SCAF8: variants seen among roughly 807,000 people sequenced by gnomAD.
SCAF8 encodes the protein SR-related and CTD-associated factor 8.
SCAF8 carries 23 observed loss-of-function variants against 140.5 expected under a neutral mutation model. The ratio of observed to expected loss-of-function variants is 0.16; its 90% CI spans 0.12 to 0.23. The LOEUF (loss-of-function observed/expected upper bound fraction) is 0.23, where lower values mean the gene tolerates loss of function less well. Among genes scored for constraint, SCAF8 ranks in the 10% least tolerant of loss-of-function variants. SCAF8 has a pLI of 1.00. For synonymous variants in SCAF8, 575 were observed against 528.9 expected, an observed-to-expected ratio of 1.09 and a Z score of -1.20; for missense variants, 1,397 against 1,555.7, an observed-to-expected ratio of 0.90 and a Z score of 1.72.
At chr6:154,749,746 T>C (rs1269910292) in intron 1 of SCAF8, among the ~76,000 whole-genome samples, 2 of 152,100 alleles carry the variant, frequency 1.3e-5, no homozygotes, top group East Asian at 3.9e-4. Flanking sequence ...ATAGCATGCA[T>C]AGGACCTCCT....
chr6:154,778,239 A>G (rs1030383119), intron 3 of SCAF8, among the ~76,000 whole-genome samples, 194 bp downstream of exon 3: 3 of 152,192 alleles, frequency 2.0e-5, no homozygotes, highest in Admixed American at 1.3e-4. Context: ...TATTCTGCCT[A>G]TGTTCATGTG....
At chr6:154,771,572 G>T (rs1776769601) in intron 1 of SCAF8, among the ~76,000 whole-genome samples, 1 of 152,304 alleles carries the variant, frequency 6.6e-6, no homozygotes, top group Non-Finnish European at 1.5e-5. Context: ...GTAGGAGTGG[G>T]TGAGTGTCAG....
chr6:154,750,840 A>AT lies in SCAF8; in HGVS notation c.30+16918dup, dbSNP rs935401109. Among the ~76,000 whole-genome samples the AT allele has an allele frequency of 1.6e-3, 237 of 151,902 alleles. 1 individual carries two copies. The highest frequency in any genetic ancestry group is 5.1e-3 in the African/African-American group (212 of 41,446). Reference sequence around the variant, plus strand: ...AAATTCCAACTAATACAATTCTGGTATTTTTTTTGCAAAAAAGCTTTATAA... The same window carrying AT: ...AAATTCCAACTAATACAATTCTGGTATTTTTTTTTGCAAAAAAGCTTTATAA... On this transcript the variant is annotated intron_variant, in intron 1 of 19. Coordinates refer to ENST00000367178, the MANE Select transcript of SCAF8 (RefSeq NM_014892.5).
intron 14 of SCAF8, 33 bp downstream of exon 14, chr6:154,818,625 G>A (rs1778323768): frequency 9.0e-7 from 1 of 1,108,764 alleles, no homozygotes; most frequent in African/African-American, 1.6e-5. Context: ...TTGGGGTAGG[G>A]GGGCAGTATT....
chr6:154,818,622 A>AG (rs970997956), intron 14 of SCAF8, 30 bp downstream of exon 14: 7 of 1,122,664 alleles, frequency 6.2e-6, no homozygotes, highest in African/African-American at 1.6e-5. Flanking sequence ...AACTTGGGGT[A>AG]GGGGGGCAGT....
At chr6:154,818,252 G>A (rs986696155) in intron 13 of SCAF8, among the ~76,000 whole-genome samples, 5 of 151,892 alleles carry the variant, frequency 3.3e-5, no homozygotes, top group African/African-American at 1.2e-4. Context: ...CGTGGCTTAT[G>A]ATACCTAATT....
chr6:154,759,201 A>T (rs1319418844), intron 1 of SCAF8, among the ~76,000 whole-genome samples: 1 of 152,154 alleles, frequency 6.6e-6, no homozygotes. Flanking sequence ...AAGGCCTCGT[A>T]GTTTGGTTTA....
chr6:154,829,005 C>G (rs559640476), intron 18 of SCAF8, among the ~76,000 whole-genome samples: 11 of 151,806 alleles, frequency 7.2e-5, no homozygotes, highest in African/African-American at 2.4e-4. Flanking sequence ...TTTTTTTTAT[C>G]CCAAAGGTGT....
At chr6:154,741,447 C>T (rs1033690883) in intron 1 of SCAF8, among the ~76,000 whole-genome samples, 4 of 152,114 alleles carry the variant, frequency 2.6e-5, no homozygotes, top group African/African-American at 9.6e-5. Context: ...TGCTTCTTCG[C>T]CCGGGCTGGA....
rs548471732 is a variant in SCAF8 at position 154,777,739 on chromosome 6, C to T, written c.115-262C>T. The stretch of plus-strand genomic sequence containing the variant: ...TTAAAGTATGCTTTCAGAAAGTCTT[C>T]AATAGCATTATTTTATATCTGTGGT... On this transcript the variant is annotated intron_variant, in intron 2 of 19. Coordinates refer to ENST00000367178, the MANE Select transcript of SCAF8 (RefSeq NM_014892.5). 1.4e-4 allele frequency among the ~76,000 whole-genome samples: 22 copies of T among 152,236 alleles called. No individual in the cohort carries two copies. The South Asian group carries it at 4.6e-3, about 32-fold the overall frequency.
chr6:154,796,817 C>G (rs2114888531), intron 6 of SCAF8, among the ~76,000 whole-genome samples: 1 of 152,138 alleles, frequency 6.6e-6, no homozygotes, highest in East Asian at 1.9e-4. Context: ...ACTAAAAACA[C>G]AAAAATTAGC....
intron 6 of SCAF8, among the ~76,000 whole-genome samples, chr6:154,795,634 A>C (rs1777579801): frequency 6.6e-6 from 1 of 152,214 alleles, no homozygotes. Flanking sequence ...GAAATGGACT[A>C]GTCATGGCAG....
intron 1 of SCAF8, among the ~76,000 whole-genome samples, chr6:154,772,042 G>C (rs1440096590): frequency 6.6e-6 from 1 of 152,066 alleles, no homozygotes; most frequent in African/African-American, 2.4e-5. Context: ...AGGGAGAGGA[G>C]ACAAATATGG....
In SCAF8 at chr6:154,831,925, C is replaced by CT; in HGVS notation, c.2360-13dup. 6.4e-7 allele frequency: 1 copy of CT among 1,565,602 alleles called. No homozygotes were observed. The highest frequency in any genetic ancestry group is 8.6e-7 in the Non-Finnish European group (1 of 1,161,204). On this transcript the variant is annotated splice_polypyrimidine_tract_variant and intron_variant, in intron 19 of 19. Coordinates refer to ENST00000367178, the MANE Select transcript of SCAF8 (RefSeq NM_014892.5). ...CTGTTATTTTGAGTTTTTTCTCTCT[C>CT]TCTTTTTTTTTAGTGATTCCAAATG...
At chr6:154,774,194 T>C in intron 2 of SCAF8, 122 bp downstream of exon 2, 1 of 685,498 alleles carries the variant, frequency 1.5e-6, no homozygotes, top group Admixed American at 2.8e-5. Context: ...ACACATATTG[T>C]GGAAAAACAC....
At chr6:154,744,739 T>G (rs1395187592) in intron 1 of SCAF8, among the ~76,000 whole-genome samples, 1 of 152,210 alleles carries the variant, frequency 6.6e-6, no homozygotes, top group Non-Finnish European at 1.5e-5. Flanking sequence ...TACAAATTTA[T>G]TTTTTCCTCA....
At chr6:154,801,609 T>A (rs1324891279) in intron 6 of SCAF8, among the ~76,000 whole-genome samples, 3 of 151,488 alleles carry the variant, frequency 2.0e-5, no homozygotes, top group Non-Finnish European at 4.4e-5. Context: ...TAATTCTGAA[T>A]AACAGCAAAA....
rs911446321 is a variant in SCAF8, at chr6:154,832,153, G to A, written c.2574G>A (p.Gln858=). 15 of 1,613,914 alleles carry A rather than the reference G, an allele frequency of 9.3e-6. No individual in the cohort carries two copies. Among genetic ancestry groups the A allele is most frequent in the Non-Finnish European group, 1.3e-5 (15 of 1,179,998 alleles). ...ILNNSGILGI[Q]PPSVSNSSGL... ...ATAACTCTGGAATATTGGGAATACA[G>A]CCACCCAGTGTGTCAAATAGTTCTG... is the stretch of plus-strand genomic sequence containing the variant. The change falls in exon 20 of 20, where the codon CAG becomes CAA. Residue 858 remains glutamine, a synonymous_variant. Coordinates refer to ENST00000367178, the MANE Select transcript of SCAF8 (RefSeq NM_014892.5).
intron 4 of SCAF8, among the ~76,000 whole-genome samples, chr6:154,788,333 C>T (rs555424908): frequency 5.3e-5 from 8 of 152,214 alleles, no homozygotes; most frequent in African/African-American, 1.2e-4. Context: ...TAGGCTATAC[C>T]GTCTAGGTTT....
Sources: gnomAD v4.1 joint callset for allele counts (sites outside exome capture counted in the v4.1 genomes callset) on GRCh38, gnomAD v4.1.1 for gene constraint, MANE v1.5 for transcripts, NCBI Gene and HGNC (gene_info 2026-07-23, HGNC 2026-07-21) for gene names.